MTDH: variants seen among roughly 807,000 people sequenced by gnomAD.
MTDH encodes the protein metadherin.
A neutral mutation model predicts 72.7 loss-of-function variants in MTDH; 34 were observed. The observed-to-expected ratio is 0.47, with a 90% CI of 0.36 to 0.62. MTDH has a LOEUF of 0.62. Among genes scored for constraint, MTDH ranks in the 20% least tolerant of loss-of-function variants. The pLI, the probability that MTDH is intolerant of heterozygous loss-of-function variation, is 0.00. For missense variants in MTDH, 677 were observed against 699.4 expected (o/e 0.97, Z 0.36); for synonymous variants, 266 against 268.9 (o/e 0.99, Z 0.10).
intron 2 of MTDH, among the ~76,000 whole-genome samples, chr8:97,685,422 T>C (rs987727834): frequency 6.6e-6 from 1 of 152,158 alleles, no homozygotes; most frequent in Non-Finnish European, 1.5e-5. Flanking sequence ...CTTGAGCATA[T>C]ATGCAGGTTT....
rs1008998839 is a variant in MTDH at position 97,723,124 on chromosome 8, C to T, written c.1678+89C>T. ...TCTTAAAAGTCTAATGGAGGCCAGG[C>T]GCAGTGGCTCACGCCTGTAATCCCA... is the stretch of plus-strand genomic sequence containing the variant. On this transcript the variant is annotated intron_variant, in intron 11 of 11. Coordinates refer to ENST00000336273, the MANE Select transcript of MTDH (RefSeq NM_178812.4). The T allele has an allele frequency of 1.8e-5, 25 of 1,381,172 alleles. 1 individual carries two copies. The African/African-American group carries it at 2.0e-4, about 11-fold the overall frequency. The allele number at this position is 1,381,172 out of a possible 1,614,324, so 85.6% of individuals were successfully genotyped here. A position where few individuals can be genotyped will look rare whatever the true frequency, so the allele number is the denominator to read the frequency against.
chr8:97,706,737 C>A lies in MTDH; in HGVS notation c.1259C>A (p.Pro420His), dbSNP rs1318251472. ...CTTCTAAAGTCCCAGGAACCAATTC[C>A]TGATGATCAAAAGGTGAGTATAAGA... ...ASLLKSQEPI[P>H]DDQKVSDDDK... Residue 420 changes from proline to histidine, a missense_variant, in exon 8 of 12, where the codon CCT becomes CAT. Around this residue, in one of 3 missense-constraint regions of MTDH, gnomAD observed 201 missense variants for 204.5 expected, o/e 0.98. Coordinates refer to ENST00000336273, the MANE Select transcript of MTDH (RefSeq NM_178812.4). The A allele has an allele frequency of 1.2e-6, 2 of 1,613,150 alleles. No individual in the cohort carries two copies.
rs1352138448 is a variant in MTDH at position 97,659,844 on chromosome 8, G to T, written c.382-1228G>T. 2.0e-5 allele frequency among the ~76,000 whole-genome samples: 3 copies of T among 152,148 alleles called. No homozygotes were observed. In the South Asian group the frequency reaches 6.2e-4, roughly 32 times the overall value. On this transcript the variant is annotated intron_variant, in intron 1 of 11. Transcript: ENST00000336273. ...CCAAACTTCTCAGTCTGGTGATGGG[G>T]CTCAGAAATTATTATTTAAAAAGTA...
chr8:97,671,869 T>C (rs1356669774), intron 2 of MTDH, among the ~76,000 whole-genome samples: 5 of 152,154 alleles, frequency 3.3e-5, no homozygotes, highest in Admixed American at 3.3e-4. Context: ...TGGCTCTTAA[T>C]GACATCCTTA....
intron 9 of MTDH, among the ~76,000 whole-genome samples, chr8:97,716,460 C>T (rs972530370): frequency 2.0e-5 from 3 of 151,860 alleles, no homozygotes; most frequent in African/African-American, 4.8e-5. Context: ...GAGGCCGAGG[C>T]GGGTGGATCA....
In MTDH at chr8:97,687,525, C is replaced by G. The variant is rs200350363; in HGVS notation, c.665C>G (p.Pro222Arg). The G allele has an allele frequency of 2.4e-5, 38 of 1,613,410 alleles. No homozygotes were observed. ...TDSGSLDSTIPGIENTITVTT... is the reference protein window; with the variant it reads ...TDSGSLDSTIRGIENTITVTT... ...TCTGGTTCATTGGATTCAACTATCC[C>G]TGGGATAGAAAATACCATCACAGTT... Residue 222 changes from proline to arginine, a missense_variant, in exon 4 of 12, where the codon CCT (proline) becomes CGT (arginine). Transcript: ENST00000336273.
intron 10 of MTDH, among the ~76,000 whole-genome samples, chr8:97,721,590 G>A (rs1563572802): frequency 6.6e-6 from 1 of 152,210 alleles, no homozygotes; most frequent in Non-Finnish European, 1.5e-5. Context: ...GGCAAGAGAA[G>A]CATTACTTAC....
intron 7 of MTDH, among the ~76,000 whole-genome samples, chr8:97,700,670 T>C (rs1438171495): frequency 6.6e-6 from 1 of 152,248 alleles, no homozygotes; most frequent in African/African-American, 2.4e-5. Context: ...TCTCATTTAA[T>C]GCTTAAAACA....
rs931550930 is a variant in MTDH at position 97,644,220 on chromosome 8, C to A, written c.-287C>A. On this transcript the variant is annotated 5_prime_UTR_variant, in exon 1 of 12. Coordinates refer to ENST00000336273, the MANE Select transcript of MTDH (RefSeq NM_178812.4). ...GTTCCGCCGAGGGAGGACAGCGGGG[C>A]CTGGCGCTGGCGCCGAGACGCCGCT... The A allele has an allele frequency of 1.5e-5, 7 of 459,648 alleles. No homozygotes were observed. Among genetic ancestry groups the A allele is most frequent in the Non-Finnish European group, 2.7e-5 (7 of 262,270 alleles). The allele number at this position is 459,648 out of a possible 1,614,324, so 28.5% of individuals were successfully genotyped here.
intron 6 of MTDH, chr8:97,696,411 T>A (rs1813834798): frequency 2.6e-6 from 1 of 391,110 alleles, no homozygotes; most frequent in Admixed American, 6.4e-5. Context: ...GCAGGTATTA[T>A]AAAGTGGCAG....
intron 6 of MTDH, chr8:97,696,146 A>G: frequency 2.2e-5 from 14 of 642,434 alleles, no homozygotes; most frequent in Non-Finnish European, 2.7e-5. Context: ...AAATCTTTAC[A>G]TATCTTTCAA....
At chr8:97,706,860 C>T (rs1814376330) in intron 8 of MTDH, 110 bp downstream of exon 8, 1 of 1,318,400 alleles carries the variant, frequency 7.6e-7, no homozygotes, top group South Asian at 1.7e-5. Context: ...GGGAGGATTG[C>T]TTGAGCCCAG....
At chr8:97,658,895 G>T (rs1473615834) in intron 1 of MTDH, among the ~76,000 whole-genome samples, 1 of 152,154 alleles carries the variant, frequency 6.6e-6, no homozygotes, top group African/African-American at 2.4e-5. Flanking sequence ...TGTAATCCCA[G>T]CACTTTGGGA....
intron 7 of MTDH, among the ~76,000 whole-genome samples, chr8:97,703,903 C>A (rs773815020): frequency 5.3e-5 from 8 of 152,004 alleles, no homozygotes; most frequent in Non-Finnish European, 1.2e-4. Flanking sequence ...ATAATAGAGC[C>A]CATTAAGAAA....
intron 6 of MTDH, among the ~76,000 whole-genome samples, chr8:97,694,577 C>T (rs1469297320): frequency 1.3e-5 from 2 of 152,186 alleles, no homozygotes; most frequent in Non-Finnish European, 2.9e-5. Flanking sequence ...CTCTCCCTTC[C>T]TCCCCATTAT....
Position 97,729,331 on chromosome 8 carries a change from G to C in MTDH, c.*4661G>C, listed in dbSNP as rs1815472935. 6.6e-6 allele frequency among the ~76,000 whole-genome samples: 1 copy of C among 152,008 alleles called. No individual in the cohort carries two copies. Among genetic ancestry groups the C allele is most frequent in the Non-Finnish European group, 1.5e-5 (1 of 67,992 alleles). On this transcript the variant is annotated 3_prime_UTR_variant, in exon 12 of 12. Transcript: ENST00000336273. ...AGGGCATTACCTCCCCCACCCCCAA[G>C]AACACTTCTTGGAAGTTACACACAA...
intron 2 of MTDH, among the ~76,000 whole-genome samples, chr8:97,674,419 A>G (rs1812761826): frequency 6.6e-6 from 1 of 152,234 alleles, no homozygotes; most frequent in Admixed American, 6.5e-5. Context: ...GGTTACTAAG[A>G]TGGAGAACTG....
intron 9 of MTDH, 83 bp from the exon 10 acceptor site, chr8:97,718,966 G>A: frequency 2.3e-6 from 3 of 1,322,116 alleles, no homozygotes; most frequent in Non-Finnish European, 3.1e-6. Context: ...AGAGTGCTGG[G>A]ATTACAGCCA....
chr8:97,682,245 TATATATATATATATATATATA>T (rs1563542257), intron 2 of MTDH, among the ~76,000 whole-genome samples: 1 of 12,138 alleles, frequency 8.2e-5, no homozygotes, highest in Non-Finnish European at 1.6e-4. Context: ...TATATATATA[TATATATATATATATATATATA>T]TATATATATA....
Sources: gnomAD v4.1 joint callset for allele counts (sites outside exome capture counted in the v4.1 genomes callset) on GRCh38, gnomAD v4.1.1 for gene constraint, gnomAD v4.1.1 regional missense constraint, MANE v1.5 for transcripts, NCBI Gene and HGNC (gene_info 2026-07-23, HGNC 2026-07-21) for gene names.